Variants in OVCH1 observed in about 807,000 individuals in gnomAD.
OVCH1 encodes the protein ovochymase-1.
OVCH1 carries 139 observed loss-of-function variants against 138.4 expected under a neutral mutation model. The observed-to-expected ratio is 1.00, with a 90% CI of 0.87 to 1.16. The LOEUF is 1.16. Ranked by LOEUF, OVCH1 falls within the 50% of genes most tolerant of loss-of-function variation. OVCH1 has a pLI of 0.00. For synonymous variants in OVCH1, 453 were observed against 467.8 expected (o/e 0.97, Z 0.41); for missense variants, 1,367 against 1,357.9 (o/e 1.01, Z -0.11).
intron 16 of OVCH1, among the ~76,000 whole-genome samples, chr12:29,465,491 T>A (rs1339493704): frequency 6.6e-6 from 1 of 152,090 alleles, no homozygotes; most frequent in African/African-American, 2.4e-5. Flanking sequence ...CACACACTTT[T>A]GAACCATCAG....
chr12:29,461,616 C>T (rs1942134077), intron 19 of OVCH1: 2 of 559,696 alleles, frequency 3.6e-6, no homozygotes, highest in Admixed American at 2.5e-5. Context: ...CTCACCAGCT[C>T]CTCTATGAAC....
chr12:29,407,946 A>C (rs1264873003), downstream of OVCH1, among the ~76,000 whole-genome samples: 1 of 147,418 alleles, frequency 6.8e-6, no homozygotes, highest in African/African-American at 2.4e-5. Context: ...TGAGCATGGA[A>C]TGTTCTTCCA....
At chr12:29,489,088 T>G (rs1367309908) in intron 6 of OVCH1, among the ~76,000 whole-genome samples, 4 of 152,192 alleles carry the variant, frequency 2.6e-5, no homozygotes, top group Admixed American at 6.5e-5. Context: ...TTAAAACTCA[T>G]GTGTTTCACA....
At chr12:29,442,173 G>A (rs1046807813) in intron 25 of OVCH1, among the ~76,000 whole-genome samples, 15 of 151,944 alleles carry the variant, frequency 9.9e-5, no homozygotes, top group Non-Finnish European at 1.3e-4. Flanking sequence ...ACATGCACAC[G>A]TATGTTTATT....
chr12:29,435,474 C>T (rs1941341441), intron 26 of OVCH1, among the ~76,000 whole-genome samples: 1 of 152,136 alleles, frequency 6.6e-6, no homozygotes, highest in South Asian at 2.1e-4. Flanking sequence ...TCACGCCATT[C>T]TCCTGCCTCA....
chr12:29,452,059 G>T (rs1941811230), intron 21 of OVCH1, among the ~76,000 whole-genome samples: 1 of 152,086 alleles, frequency 6.6e-6, no homozygotes, highest in Non-Finnish European at 1.5e-5. Context: ...GGACCTTTGG[G>T]ATACCTCCTG....
chr12:29,405,828 T>G, the OVCH1 span, among the ~76,000 whole-genome samples: 2 of 152,248 alleles, frequency 1.3e-5, no homozygotes, highest in Admixed American at 1.3e-4. Flanking sequence ...GATCTCATTC[T>G]TTTGACTTGA....
At chr12:29,481,977 T>C (rs1341775187) in intron 8 of OVCH1, among the ~76,000 whole-genome samples, 2 of 152,258 alleles carry the variant, frequency 1.3e-5, no homozygotes, top group East Asian at 3.8e-4. Context: ...GACTGCATCA[T>C]CTTTTACCTG....
Position 29,489,834 on chromosome 12 carries a change from T to C in OVCH1, c.551-63A>G, listed in dbSNP as rs1334137563. 3.1e-5 allele frequency: 47 copies of C among 1,514,164 alleles called. No individual in the cohort carries two copies. The East Asian group carries it at 6.7e-4, about 22-fold the overall frequency. The allele number at this position is 1,514,164 out of a possible 1,614,324, so 93.8% of individuals were successfully genotyped here. A position where few individuals can be genotyped will look rare whatever the true frequency, so the allele number is the denominator to read the frequency against. The stretch of plus-strand genomic sequence containing the variant: ...CTCATGGAAACAAATTAATGGGAAG[T>C]CTACAAGTTTGGAACTATTTCAAAC... On this transcript the variant is annotated intron_variant, in intron 5 of 27. Transcript: ENST00000318184.
rs1212088097 is a variant in OVCH1, at chr12:29,421,766, G to A, written c.*71+1361C>T. On this transcript the variant is annotated intron_variant and NMD_transcript_variant, in intron 3 of 4. Coordinates refer to the OVCH1 transcript ENST00000539117. ...TAATTTTAGTAACTAAAAACCAAGA[G>A]ATGTTTTTAAGTATGAATTTTCTTA... Among the ~76,000 whole-genome samples, 14 of 152,148 alleles carry A rather than the reference G, an allele frequency of 9.2e-5. 1 individual carries two copies. In the South Asian group the frequency reaches 2.3e-3, roughly 25 times the overall value.
chr12:29,440,574 C>T, intron 25 of OVCH1: 1 of 328,794 alleles, frequency 3.0e-6, no homozygotes, highest in Non-Finnish European at 5.9e-6. Flanking sequence ...TTATTTAATT[C>T]TCAAAACAAC....
At chr12:29,457,607 G>T (rs547917977) in intron 19 of OVCH1, among the ~76,000 whole-genome samples, 2 of 151,878 alleles carry the variant, frequency 1.3e-5, no homozygotes, top group South Asian at 2.1e-4. Flanking sequence ...GTTTCACCAT[G>T]TTGGCCAGGA....
intron 3 of OVCH1, among the ~76,000 whole-genome samples, chr12:29,414,755 C>T (rs1488370569): frequency 6.6e-6 from 1 of 151,864 alleles, no homozygotes; most frequent in Non-Finnish European, 1.5e-5. Flanking sequence ...AATATATATA[C>T]AAGGATAGTC....
chr12:29,436,336 T>A (rs1204088012), intron 26 of OVCH1, among the ~76,000 whole-genome samples: 1 of 151,628 alleles, frequency 6.6e-6, no homozygotes, highest in African/African-American at 2.4e-5. Flanking sequence ...CTAGAAAACA[T>A]ACTCCAAGTT....
chr12:29,441,320 T>C (rs1487294240), intron 25 of OVCH1, among the ~76,000 whole-genome samples: 1 of 151,962 alleles, frequency 6.6e-6, no homozygotes, highest in African/African-American at 2.4e-5. Flanking sequence ...ACGCCACATA[T>C]CTACAACTAT....
intron 3 of OVCH1, among the ~76,000 whole-genome samples, chr12:29,419,314 A>G (rs995486257): frequency 2.0e-5 from 3 of 151,234 alleles, no homozygotes; most frequent in African/African-American, 7.3e-5. Flanking sequence ...TTGAGATGGA[A>G]TCTCATTCTG....
At chr12:29,459,732 C>G (rs1942069338) in intron 19 of OVCH1, among the ~76,000 whole-genome samples, 1 of 152,104 alleles carries the variant, frequency 6.6e-6, no homozygotes, top group Non-Finnish European at 1.5e-5. Flanking sequence ...ATCAAAATCT[C>G]ATGTCCCCCA....
At chr12:29,474,416 T>C (rs1248445587) in intron 14 of OVCH1, among the ~76,000 whole-genome samples, 2 of 152,174 alleles carry the variant, frequency 1.3e-5, no homozygotes, top group African/African-American at 4.8e-5. Flanking sequence ...CCTATGTATG[T>C]AAGGAGGAAT....
intron 26 of OVCH1, among the ~76,000 whole-genome samples, chr12:29,437,426 G>C (rs569937250): frequency 6.6e-6 from 1 of 152,044 alleles, no homozygotes; most frequent in Non-Finnish European, 1.5e-5. Context: ...TTTTATACTC[G>C]AGTTAACTAG....
Sources: gnomAD v4.1 joint callset for allele counts (sites outside exome capture counted in the v4.1 genomes callset) on GRCh38, gnomAD v4.1.1 for gene constraint, MANE v1.5 for transcripts, NCBI Gene and HGNC (gene_info 2026-07-23, HGNC 2026-07-21) for gene names.